The following RIT2 variants were observed in gnomAD, a reference collection of about 807,000 sequenced individuals.
The protein encoded by RIT2 is Ras like without CAAX 2.
Under a neutral mutation model 23.7 loss-of-function variants are expected in RIT2, and 24 were observed. The observed-to-expected ratio is 1.01, with a 90% CI of 0.73 to 1.43. The LOEUF (loss-of-function observed/expected upper bound fraction) is 1.43. Ranked by LOEUF, RIT2 falls within the 40% of genes most tolerant of loss-of-function variation. The pLI, the probability that RIT2 is intolerant of heterozygous loss-of-function variation, is 0.00. For synonymous variants in RIT2, 107 were observed against 91.1 expected (o/e 1.17, Z -0.99); for missense variants, 236 against 266.9 (o/e 0.88, Z 0.81).
chr18:43,106,796 T>C (rs1391061471), intron 1 of RIT2, among the ~76,000 whole-genome samples: 3 of 152,130 alleles, frequency 2.0e-5, no homozygotes, highest in African/African-American at 7.2e-5. Context: ...AGTAGAATTA[T>C]AGTAGGCAGA....
At chr18:43,056,419 A>C (rs1912503922) in intron 1 of RIT2, among the ~76,000 whole-genome samples, 1 of 152,072 alleles carries the variant, frequency 6.6e-6, no homozygotes, top group African/African-American at 2.4e-5. Flanking sequence ...AAAACTAATA[A>C]ACATTTATTG....
intron 2 of RIT2, among the ~76,000 whole-genome samples, chr18:43,026,533 A>G (rs1386447687): frequency 6.7e-6 from 1 of 148,814 alleles, no homozygotes; most frequent in Non-Finnish European, 1.5e-5. Flanking sequence ...CAGCCTGGCA[A>G]CAGAGTAAGA....
chr18:42,870,516 T>C (rs1169217133), intron 4 of RIT2, among the ~76,000 whole-genome samples: 3 of 152,162 alleles, frequency 2.0e-5, no homozygotes, highest in Admixed American at 1.3e-4. Flanking sequence ...ACCTGGCCTG[T>C]ACCTTCCATA....
intron 4 of RIT2, among the ~76,000 whole-genome samples, chr18:42,764,781 C>T (rs1178784126): frequency 1.3e-5 from 2 of 152,200 alleles, no homozygotes; most frequent in African/African-American, 2.4e-5. Flanking sequence ...CATCTGCTAA[C>T]CTTATTTCAC....
At chr18:43,044,665 A>C (rs551331216) in intron 1 of RIT2, among the ~76,000 whole-genome samples, 4 of 152,244 alleles carry the variant, frequency 2.6e-5, no homozygotes, top group Admixed American at 2.0e-4. Flanking sequence ...TGGTTATAGG[A>C]TATGGATGGT....
chr18:42,947,666 A>G (rs183189743), intron 3 of RIT2, among the ~76,000 whole-genome samples: 55 of 152,196 alleles, frequency 3.6e-4, no homozygotes, highest in Middle Eastern at 3.4e-3. Context: ...CAACACTGCT[A>G]CTATCCCAAC....
rs541594710 is a variant in RIT2 at position 42,893,963 on chromosome 18, A to G, written c.426+29609T>C. Among the ~76,000 whole-genome samples the G allele has an allele frequency of 2.0e-5, 3 of 152,338 alleles. No homozygotes were observed. In the South Asian group the frequency reaches 6.2e-4, roughly 32 times the overall value. ...AGTAATCCCTTCACAAAATTATTAC[A>G]TTTAAAAGATCAAATTTTAGTAAAA... is the stretch of plus-strand genomic sequence containing the variant. On this transcript the variant is annotated intron_variant, in intron 4 of 4. Transcript: ENST00000326695.
intron 4 of RIT2, among the ~76,000 whole-genome samples, chr18:42,748,621 G>A (rs1165474962): frequency 1.3e-5 from 2 of 152,042 alleles, no homozygotes; most frequent in South Asian, 4.1e-4. Flanking sequence ...GTCATTATAC[G>A]AAAAAGATAC....
At chr18:42,946,303 T>C (rs1909725582) in intron 3 of RIT2, among the ~76,000 whole-genome samples, 1 of 152,076 alleles carries the variant, frequency 6.6e-6, no homozygotes, top group Non-Finnish European at 1.5e-5. Flanking sequence ...ATAGTGATAA[T>C]GCTGTTCTGA....
At chr18:42,861,315 C>T (rs1006335848) in intron 4 of RIT2, among the ~76,000 whole-genome samples, 2 of 152,164 alleles carry the variant, frequency 1.3e-5, no homozygotes, top group Admixed American at 1.3e-4. Flanking sequence ...CATCCCTTGC[C>T]TGGGTGACAT....
At chr18:43,002,845 C>T (rs894080550) in intron 2 of RIT2, among the ~76,000 whole-genome samples, 2 of 151,850 alleles carry the variant, frequency 1.3e-5, no homozygotes, top group African/African-American at 2.4e-5. Context: ...TGTTAATCAG[C>T]TGAACTCAGC....
rs117051921 is a variant in RIT2, at chr18:42,892,109, G to A, written c.426+31463C>T. Reference sequence around the variant, plus strand: ...CACGACAAACCTCTCCAGGGTAGAAGGCCCAGGTCAGTGTTACATTCTGCC... The same window carrying A: ...CACGACAAACCTCTCCAGGGTAGAAAGCCCAGGTCAGTGTTACATTCTGCC... On this transcript the variant is annotated intron_variant, in intron 4 of 4. Coordinates refer to ENST00000326695, the MANE Select transcript of RIT2 (RefSeq NM_002930.4). Among the ~76,000 whole-genome samples, 14 of 152,144 alleles carry A rather than the reference G, an allele frequency of 9.2e-5. No individual in the cohort carries two copies. In the East Asian group the frequency reaches 2.5e-3, roughly 27 times the overall value.
chr18:42,754,642 T>C (rs2143889114), intron 4 of RIT2, among the ~76,000 whole-genome samples: 1 of 152,148 alleles, frequency 6.6e-6, no homozygotes, highest in East Asian at 1.9e-4. Flanking sequence ...AGTTGTTTGA[T>C]CTCACCAACC....
At chr18:42,873,360 A>G (rs1439714203) in intron 4 of RIT2, among the ~76,000 whole-genome samples, 1 of 152,140 alleles carries the variant, frequency 6.6e-6, no homozygotes, top group Non-Finnish European at 1.5e-5. Context: ...TAAAGTCCCT[A>G]AGGTTCATAT....
At chr18:42,923,461 G>T in intron 4 of RIT2, 111 bp downstream of exon 4, 2 of 880,386 alleles carry the variant, frequency 2.3e-6, no homozygotes, top group South Asian at 1.6e-5. Flanking sequence ...AAAATCATGT[G>T]CATAATTTCT....
chr18:42,763,895 C>T (rs978178342), intron 4 of RIT2, among the ~76,000 whole-genome samples: 2 of 152,000 alleles, frequency 1.3e-5, no homozygotes, highest in African/African-American at 2.4e-5. Flanking sequence ...CAGCCTAGAC[C>T]TACATGGGGT....
intron 3 of RIT2, among the ~76,000 whole-genome samples, chr18:42,925,244 T>C (rs1053529696): frequency 6.6e-6 from 1 of 152,052 alleles, no homozygotes; most frequent in Non-Finnish European, 1.5e-5. Context: ...TGAACCAAGA[T>C]TGAGTAATAA....
chr18:42,982,493 C>A (rs1910619516), intron 2 of RIT2, among the ~76,000 whole-genome samples: 1 of 152,120 alleles, frequency 6.6e-6, no homozygotes, highest in Non-Finnish European at 1.5e-5. Flanking sequence ...AAATTAAGTC[C>A]ACAAATCCAC....
At chr18:42,955,269 A>G (rs557703554) in intron 3 of RIT2, among the ~76,000 whole-genome samples, 1 of 152,318 alleles carries the variant, frequency 6.6e-6, no homozygotes, top group South Asian at 2.1e-4. Flanking sequence ...TATGCAGAAG[A>G]GCAGACACCA....
Sources: gnomAD v4.1 joint callset for allele counts (sites outside exome capture counted in the v4.1 genomes callset) on GRCh38, gnomAD v4.1.1 for gene constraint, MANE v1.5 for transcripts, NCBI Gene and HGNC (gene_info 2026-07-23, HGNC 2026-07-21) for gene names.